The following GUCY1A2 variants were observed in gnomAD, a reference collection of about 807,000 sequenced individuals.
GUCY1A2 encodes the protein guanylate cyclase soluble subunit alpha-2.
Under a neutral mutation model 63.5 loss-of-function variants are expected in GUCY1A2, and 27 were observed. The observed-to-expected ratio is 0.43, with a 90% CI of 0.31 to 0.59. GUCY1A2 has a LOEUF of 0.59. Ranked by LOEUF, GUCY1A2 falls within the 20% of genes least tolerant of loss-of-function variation. The pLI is 0.11. For missense variants in GUCY1A2, 768 were observed against 913.3 expected (o/e 0.84, Z 2.05); for synonymous variants, 364 against 343.5 (o/e 1.06, Z -0.66).
In GUCY1A2 at chr11:106,683,850, T is replaced by G. The variant is rs79814702; in HGVS notation, c.*3699A>C. ...GTCATAATTTTGAGCTCCTACCTGATGCCTTACGACTTTAGATACACAATT... is the reference window on the plus strand; with the variant it reads ...GTCATAATTTTGAGCTCCTACCTGAGGCCTTACGACTTTAGATACACAATT... On this transcript the variant is annotated 3_prime_UTR_variant, in exon 8 of 8. Coordinates refer to ENST00000526355, the MANE Select transcript of GUCY1A2 (RefSeq NM_000855.3). 4.8e-6 allele frequency: 1 copy of G among 207,992 alleles called. No individual in the cohort carries two copies. Among genetic ancestry groups the G allele is most frequent in the Non-Finnish European group, 9.8e-6 (1 of 101,944 alleles). 12.9% of individuals were successfully genotyped at this position (207,992 alleles called of 1,614,324 possible). A position where few individuals can be genotyped will look rare whatever the true frequency, so the allele number is the denominator to read the frequency against.
intron 4 of GUCY1A2, among the ~76,000 whole-genome samples, chr11:106,876,164 A>G (rs2135467708): frequency 6.6e-6 from 1 of 152,238 alleles, no homozygotes; most frequent in African/African-American, 2.4e-5. Context: ...ATCTAAAAAA[A>G]GTAATTTACC....
At chr11:106,697,871 A>G (rs1862746514) in intron 7 of GUCY1A2, among the ~76,000 whole-genome samples, 1 of 151,992 alleles carries the variant, frequency 6.6e-6, no homozygotes, top group Non-Finnish European at 1.5e-5. Context: ...CTATACCTCT[A>G]TTCCCATGAT....
intron 5 of GUCY1A2, among the ~76,000 whole-genome samples, chr11:106,780,564 G>C (rs1864440743): frequency 6.6e-6 from 1 of 152,118 alleles, no homozygotes; most frequent in South Asian, 2.1e-4. Context: ...AAGAGGTTCT[G>C]ACCCAATTGT....
chr11:106,980,626 G>C (rs578182404), intron 2 of GUCY1A2, among the ~76,000 whole-genome samples: 1 of 152,096 alleles, frequency 6.6e-6, no homozygotes, highest in African/African-American at 2.4e-5. Flanking sequence ...AATTTAAATT[G>C]GTCTAGAGTG....
chr11:106,779,828 A>G (rs1447175744), intron 5 of GUCY1A2, among the ~76,000 whole-genome samples: 2 of 152,214 alleles, frequency 1.3e-5, no homozygotes, highest in Middle Eastern at 3.2e-3. Context: ...TGAAGTAGAA[A>G]ATAAATGTGG....
chr11:106,787,595 A>AGGGTGAGGGAGGGGGG (rs1157927555), intron 5 of GUCY1A2, among the ~76,000 whole-genome samples: 3 of 87,808 alleles, frequency 3.4e-5, no homozygotes, highest in Admixed American at 2.7e-4. Context: ...AAAGGAAGGG[A>AGGGTGAGGGAGGGGGG]AGGGAAAAAG....
intron 4 of GUCY1A2, among the ~76,000 whole-genome samples, chr11:106,913,378 G>A (rs980775801): frequency 2.0e-5 from 3 of 152,114 alleles, no homozygotes; most frequent in Admixed American, 6.6e-5. Context: ...ACTGCCATGT[G>A]CAGTGATCAC....
intron 1 of GUCY1A2, among the ~76,000 whole-genome samples, chr11:107,014,615 A>G (rs1861794879): frequency 6.6e-6 from 1 of 152,236 alleles, no homozygotes; most frequent in African/African-American, 2.4e-5. Flanking sequence ...GGTGCATCTT[A>G]AAGTGACTAT....
chr11:106,892,585 A>C (rs761172799), intron 4 of GUCY1A2, among the ~76,000 whole-genome samples: 3 of 152,112 alleles, frequency 2.0e-5, no homozygotes, highest in Non-Finnish European at 2.9e-5. Context: ...CTAGCGTCGC[A>C]CCCACAGGAG....
chr11:106,877,914 T>G (rs1250878994), intron 4 of GUCY1A2, among the ~76,000 whole-genome samples: 1 of 151,514 alleles, frequency 6.6e-6, no homozygotes, highest in Non-Finnish European at 1.5e-5. Flanking sequence ...TATAACAAAC[T>G]TAAACAAACT....
At chr11:106,906,941 T>A (rs1314304521) in intron 4 of GUCY1A2, among the ~76,000 whole-genome samples, 1 of 151,858 alleles carries the variant, frequency 6.6e-6, no homozygotes, top group African/African-American at 2.4e-5. Flanking sequence ...GTCAGAGGGT[T>A]GGGGACTAGG....
intron 4 of GUCY1A2, among the ~76,000 whole-genome samples, chr11:106,888,538 C>G (rs1353720929): frequency 6.6e-6 from 1 of 152,120 alleles, no homozygotes; most frequent in African/African-American, 2.4e-5. Flanking sequence ...AGAAATTCAT[C>G]ATCACATGCT....
intron 4 of GUCY1A2, among the ~76,000 whole-genome samples, chr11:106,930,000 A>T (rs1454806678): frequency 6.6e-6 from 1 of 152,232 alleles, no homozygotes; most frequent in Non-Finnish European, 1.5e-5. Context: ...CCTTTTAAAT[A>T]TTAATATTTT....
rs1184903755 is a variant in GUCY1A2 at position 106,915,835 on chromosome 11, A to G, written c.1206+23625T>C. On this transcript the variant is annotated intron_variant, in intron 4 of 7. Transcript: ENST00000526355. ...GTTGGAAAGGCATTTGAGCATTACA[A>G]GCTGAAACCCCTTAAGCCACTTTGG... Among the ~76,000 whole-genome samples, 16 of 145,414 alleles carry G rather than the reference A, an allele frequency of 1.1e-4. 1 individual carries two copies. The highest frequency in any genetic ancestry group is 2.4e-5 in the African/African-American group (1 of 40,932).
intron 2 of GUCY1A2, among the ~76,000 whole-genome samples, chr11:106,979,279 C>T (rs1861303019): frequency 6.6e-6 from 1 of 152,110 alleles, no homozygotes; most frequent in South Asian, 2.1e-4. Flanking sequence ...CACGGTGAAA[C>T]CCCGTCTCTA....
At chr11:106,804,009 A>G (rs1048198847) in intron 5 of GUCY1A2, among the ~76,000 whole-genome samples, 3 of 152,242 alleles carry the variant, frequency 2.0e-5, no homozygotes, top group Non-Finnish European at 2.9e-5. Flanking sequence ...CTTATCTGTG[A>G]CTTTCACCTT....
At chr11:106,857,716 A>G (rs979150624) in intron 4 of GUCY1A2, among the ~76,000 whole-genome samples, 11 of 152,360 alleles carry the variant, frequency 7.2e-5, no homozygotes, top group Admixed American at 7.2e-4. Flanking sequence ...TGTACTGAAC[A>G]TAGATAGACT....
chr11:106,987,093 A>C (rs1843974438), intron 1 of GUCY1A2, among the ~76,000 whole-genome samples: 1 of 152,178 alleles, frequency 6.6e-6, no homozygotes, highest in South Asian at 2.1e-4. Flanking sequence ...TAAATAACAA[A>C]AACCTGTAGT....
chr11:106,870,384 A>G (rs1859660630), intron 4 of GUCY1A2, among the ~76,000 whole-genome samples: 1 of 152,126 alleles, frequency 6.6e-6, no homozygotes, highest in African/African-American at 2.4e-5. Context: ...TTTGGTATTT[A>G]GTTTATAAAT....
Sources: allele counts gnomAD v4.1 joint callset (sites outside exome capture counted in the v4.1 genomes callset), GRCh38; gene constraint gnomAD v4.1.1; transcripts MANE v1.5; gene names NCBI Gene and HGNC (gene_info 2026-07-23, HGNC 2026-07-21).